TMC1: variants seen among roughly 807,000 people sequenced by gnomAD.
TMC1 encodes transmembrane channel like 1.
A neutral mutation model predicts 105.8 loss-of-function variants in TMC1; 84 were observed. The ratio of observed to expected loss-of-function variants is 0.79; its 90% CI spans 0.67 to 0.95. The LOEUF is 0.95. TMC1 is among the 40% of genes least tolerant of loss of function. The probability of loss-of-function intolerance (pLI) is 0.00; values close to 1 mark genes in which losing one functional copy is unlikely to be tolerated. For missense variants in TMC1, 817 were observed against 914.1 expected (o/e 0.89, Z 1.37); for synonymous variants, 315 against 311.5 (o/e 1.01, Z -0.12).
At chr9:72,541,213 CTT>C (rs1421828200) in intron 1 of TMC1, among the ~76,000 whole-genome samples, 1 of 152,190 alleles carries the variant, frequency 6.6e-6, no homozygotes, top group Admixed American at 6.5e-5. Flanking sequence ...GATGCCAAAT[CTT>C]TACACCAACC....
At chr9:72,615,042 T>C (rs1454191725) in intron 2 of TMC1, among the ~76,000 whole-genome samples, 1 of 152,202 alleles carries the variant, frequency 6.6e-6, no homozygotes, top group Non-Finnish European at 1.5e-5. Context: ...ATTCTGATCC[T>C]GCATACCAGT....
rs1829149209 is a variant in TMC1 at position 72,837,818 on chromosome 9, C to T, written c.*1845C>T. The T allele has an allele frequency of 6.6e-6, 1 of 152,214 alleles. No individual in the cohort carries two copies. Among genetic ancestry groups the T allele is most frequent in the African/African-American group, 2.4e-5 (1 of 41,452 alleles). 9.4% of individuals were successfully genotyped at this position (152,214 alleles called of 1,614,324 possible). On this transcript the variant is annotated 3_prime_UTR_variant, in exon 24 of 24. Coordinates refer to ENST00000297784, the MANE Select transcript of TMC1 (RefSeq NM_138691.3). ...CCAAAAGGCAGCCATAGAATAATCG[C>T]ACTGTTTCCCTGCCAGTTCTAAACT...
chr9:72,795,692 C>G (rs1828352502), intron 17 of TMC1, among the ~76,000 whole-genome samples: 1 of 152,072 alleles, frequency 6.6e-6, no homozygotes, highest in African/African-American at 2.4e-5. Context: ...AATACAAAAG[C>G]ATACTTAAAT....
chr9:72,617,912 T>TG lies in TMC1; in HGVS notation c.-196+1436dup, dbSNP rs869131560. On this transcript the variant is annotated intron_variant, in intron 3 of 23. Coordinates refer to ENST00000297784, the MANE Select transcript of TMC1 (RefSeq NM_138691.3). ...TTACCCAAGAAGTCTATGTGTGGTG[T>TG]GTGTGTGTGTGTGTGTGTGTGTGTG... 8.7e-5 allele frequency among the ~76,000 whole-genome samples: 3 copies of TG among 34,598 alleles called. 1 individual carries two copies. In the South Asian group the frequency reaches 2.2e-3, roughly 26 times the overall value. 22.7% of individuals were successfully genotyped at this position (34,598 alleles called of 152,430 possible). A position where few individuals can be genotyped will look rare whatever the true frequency, so the allele number is the denominator to read the frequency against.
intron 4 of TMC1, among the ~76,000 whole-genome samples, chr9:72,636,943 T>C (rs898228243): frequency 4.6e-5 from 7 of 152,082 alleles, no homozygotes; most frequent in Admixed American, 1.3e-4. Flanking sequence ...CGTTCTCCAA[T>C]TCAGAAGGCA....
intron 13 of TMC1, among the ~76,000 whole-genome samples, chr9:72,775,374 A>G (rs72733068): frequency 1.0e-3 from 153 of 152,296 alleles, no homozygotes; most frequent in Non-Finnish European, 1.6e-3. Flanking sequence ...ACAGTATAAC[A>G]TAAAGTTACA....
intron 5 of TMC1, among the ~76,000 whole-genome samples, chr9:72,674,531 A>C (rs1012708391): frequency 8.5e-5 from 13 of 152,236 alleles, no homozygotes; most frequent in Admixed American, 6.5e-4. Flanking sequence ...AGGATGCCTT[A>C]AACAGTGGTT....
chr9:72,524,774 A>C (rs955443739), intron 1 of TMC1, among the ~76,000 whole-genome samples: 6 of 152,232 alleles, frequency 3.9e-5, no homozygotes, highest in Admixed American at 6.5e-5. Flanking sequence ...AGAAGTGAGA[A>C]GAGAGAGAAA....
At chr9:72,748,352 T>C (rs1030235046) in intron 10 of TMC1, among the ~76,000 whole-genome samples, 2 of 152,232 alleles carry the variant, frequency 1.3e-5, no homozygotes, top group African/African-American at 4.8e-5. Context: ...ATTCACTAAA[T>C]GTTACCTATT....
chr9:72,813,454 G>T (rs915844531), intron 18 of TMC1, among the ~76,000 whole-genome samples: 7 of 152,054 alleles, frequency 4.6e-5, no homozygotes, highest in African/African-American at 1.7e-4. Flanking sequence ...TTCATAACTG[G>T]TTCTAATTTT....
intron 1 of TMC1, among the ~76,000 whole-genome samples, chr9:72,538,111 G>A (rs959238446): frequency 6.7e-6 from 1 of 149,602 alleles, no homozygotes; most frequent in African/African-American, 2.5e-5. Context: ...AGCTGAGATT[G>A]CACCATTGCA....
intron 5 of TMC1, among the ~76,000 whole-genome samples, 154 bp from the exon 6 acceptor site, chr9:72,688,555 A>G (rs1257923262): frequency 6.6e-6 from 1 of 152,194 alleles, no homozygotes; most frequent in African/African-American, 2.4e-5. Context: ...GTAGCTGTAT[A>G]TCTTTAATAA....
intron 18 of TMC1, among the ~76,000 whole-genome samples, chr9:72,806,612 C>T (rs1465668150): frequency 6.6e-6 from 1 of 151,380 alleles, no homozygotes. Context: ...ATGCTCCTCA[C>T]CTCCCAGACG....
intron 17 of TMC1, among the ~76,000 whole-genome samples, chr9:72,800,342 G>A (rs1256728283): frequency 2.0e-5 from 3 of 152,128 alleles, no homozygotes; most frequent in Non-Finnish European, 4.4e-5. Flanking sequence ...AATTTGAGAC[G>A]TTCTCTTCTG....
intron 8 of TMC1, among the ~76,000 whole-genome samples, chr9:72,722,608 G>A (rs927645809): frequency 3.9e-5 from 6 of 152,148 alleles, no homozygotes; most frequent in Admixed American, 1.3e-4. Context: ...GTATCACATA[G>A]CTCTTTATTG....
intron 15 of TMC1, among the ~76,000 whole-genome samples, chr9:72,789,817 T>C (rs991779259): frequency 6.6e-6 from 1 of 152,184 alleles, no homozygotes; most frequent in Non-Finnish European, 1.5e-5. Context: ...CTCAGATTGC[T>C]TCTCCACCTT....
intron 18 of TMC1, among the ~76,000 whole-genome samples, chr9:72,810,192 T>C (rs1178957803): frequency 1.4e-5 from 2 of 147,412 alleles, no homozygotes; most frequent in Non-Finnish European, 3.0e-5. Context: ...AAAAGGCTAA[T>C]AAGAATGTTT....
intron 10 of TMC1, 69 bp downstream of exon 10, chr9:72,742,594 C>G: frequency 7.7e-7 from 1 of 1,297,226 alleles, no homozygotes; most frequent in Non-Finnish European, 1.1e-6. Flanking sequence ...TTATCAGATG[C>G]CTTTGTCAGT....
At chr9:72,656,274 G>A (rs1281883385) in intron 5 of TMC1, 1 of 321,600 alleles carries the variant, frequency 3.1e-6, no homozygotes, top group Non-Finnish European at 6.1e-6. Flanking sequence ...GCGGATCAGA[G>A]CTCCACAACA....
Sources: gnomAD v4.1 joint callset for allele counts (sites outside exome capture counted in the v4.1 genomes callset) on GRCh38, gnomAD v4.1.1 for gene constraint, MANE v1.5 for transcripts, NCBI Gene and HGNC (gene_info 2026-07-23, HGNC 2026-07-21) for gene names.